The following RIC8B variants were observed in gnomAD, a reference collection of about 807,000 sequenced individuals.
The protein encoded by RIC8B is chaperone Ric-8B.
RIC8B carries 16 observed loss-of-function variants against 57.5 expected under a neutral mutation model. The ratio of observed to expected loss-of-function variants is 0.28; its 90% CI spans 0.19 to 0.42. The LOEUF (loss-of-function observed/expected upper bound fraction) is 0.42, where lower values mean the gene tolerates loss of function less well. RIC8B is among the 10% of genes least tolerant of loss of function. The probability of loss-of-function intolerance (pLI) is 1.00; values close to 1 mark genes in which losing one functional copy is unlikely to be tolerated. For missense variants in RIC8B, 481 were observed against 677.0 expected (o/e 0.71, Z 3.21); for synonymous variants, 216 against 250.8 (o/e 0.86, Z 1.31).
intron 8 of RIC8B, among the ~76,000 whole-genome samples, chr12:106,864,671 C>T (rs929949467): frequency 8.5e-5 from 13 of 152,086 alleles, no homozygotes; most frequent in Admixed American, 6.6e-5. Flanking sequence ...TGCCTTTTTA[C>T]TTTGGGGATA....
At chr12:106,792,215 G>A (rs1039075162) in intron 2 of RIC8B, among the ~76,000 whole-genome samples, 2 of 152,136 alleles carry the variant, frequency 1.3e-5, no homozygotes, top group African/African-American at 2.4e-5. Context: ...TTGTATCATA[G>A]GGCAGGATGA....
Position 106,774,824 on chromosome 12 carries a change from G to A in RIC8B, c.79G>A (p.Asp27Asn). ...AIERVLRDYSDKHRATFKFES... is the reference protein window; with the variant it reads ...AIERVLRDYSNKHRATFKFES... ...CGAGCGGGTCCTGAGGGATTACAGCGACAAGGTAAAGAGTCCTGGCCCCGG... is the reference window on the plus strand; with the variant it reads ...CGAGCGGGTCCTGAGGGATTACAGCAACAAGGTAAAGAGTCCTGGCCCCGG... Residue 27 changes from aspartate (D) to asparagine (N), a missense_variant, in exon 1 of 10, where the codon GAC (aspartate) becomes AAC (asparagine). Coordinates refer to ENST00000392837, the MANE Select transcript of RIC8B (RefSeq NM_001330145.2). 1 of 1,552,942 alleles carries A rather than the reference G, an allele frequency of 6.4e-7. No individual in the cohort carries two copies. The highest frequency in any genetic ancestry group is 8.7e-7 in the Non-Finnish European group (1 of 1,147,528).
In RIC8B at chr12:106,802,054, T is replaced by C. The variant is rs147151962; in HGVS notation, c.133-12642T>C. ...TCCAGTGACGTTCATCACAGAAGAG[T>C]GTAGACATAACCTTGAGAGGCCAGG... is the stretch of plus-strand genomic sequence containing the variant. On this transcript the variant is annotated intron_variant, in intron 2 of 9. Coordinates refer to ENST00000392837, the MANE Select transcript of RIC8B (RefSeq NM_001330145.2). Among the ~76,000 whole-genome samples, 240 of 152,170 alleles carry C rather than the reference T, an allele frequency of 1.6e-3. 1 individual carries two copies. Among genetic ancestry groups the C allele is most frequent in the African/African-American group, 5.1e-3 (213 of 41,504 alleles).
chr12:106,885,792 G>A, intron 9 of RIC8B, 112 bp from the exon 10 acceptor site: 1 of 627,082 alleles, frequency 1.6e-6, no homozygotes, highest in Non-Finnish European at 2.7e-6. Flanking sequence ...AAAATACTTT[G>A]GTTTTTAAAG....
intron 2 of RIC8B, among the ~76,000 whole-genome samples, chr12:106,807,303 A>C (rs2045084999): frequency 6.6e-6 from 1 of 152,360 alleles, no homozygotes; most frequent in East Asian, 1.9e-4. Flanking sequence ...TGGTTTACAA[A>C]ATATGAGTGT....
chr12:106,820,416 A>G (rs1252904520), intron 3 of RIC8B, among the ~76,000 whole-genome samples: 2 of 152,212 alleles, frequency 1.3e-5, no homozygotes, highest in Non-Finnish European at 2.9e-5. Context: ...TAAAAAGCCA[A>G]TTGATTTATT....
intron 5 of RIC8B, 114 bp from the exon 6 acceptor site, chr12:106,843,738 A>G: frequency 1.5e-6 from 1 of 668,646 alleles, no homozygotes; most frequent in South Asian, 2.2e-5. Context: ...AAAAAAAAAA[A>G]AAAAAAGTCC....
At chr12:106,802,152 A>G (rs2044760891) in intron 2 of RIC8B, among the ~76,000 whole-genome samples, 1 of 152,226 alleles carries the variant, frequency 6.6e-6, no homozygotes, top group Non-Finnish European at 1.5e-5. Context: ...TTATCTTAAC[A>G]TTCATGTAAG....
At chr12:106,827,082 T>C (rs1396056551) in intron 4 of RIC8B, among the ~76,000 whole-genome samples, 1 of 152,090 alleles carries the variant, frequency 6.6e-6, no homozygotes, top group Non-Finnish European at 1.5e-5. Flanking sequence ...CTCAAATAAA[T>C]AAATAAAATA....
intron 2 of RIC8B, among the ~76,000 whole-genome samples, chr12:106,786,931 GA>G (rs1025786694): frequency 3.5e-4 from 53 of 152,132 alleles, no homozygotes; most frequent in Admixed American, 7.2e-4. Flanking sequence ...TGGTGCCTTA[GA>G]AATCTGACAT....
intron 8 of RIC8B, among the ~76,000 whole-genome samples, chr12:106,861,019 G>A (rs1949909453): frequency 6.6e-6 from 1 of 151,990 alleles, no homozygotes; most frequent in African/African-American, 2.4e-5. Flanking sequence ...ACAAATTAAA[G>A]ACACTATAAT....
chr12:106,888,403 A>G lies in RIC8B; in HGVS notation c.*2388A>G, dbSNP rs805506. The stretch of plus-strand genomic sequence containing the variant: ...GATGTATGTTATCTCATGTAACCTC[A>G]CCTTATCGCATATGAAAGATCCTCT... On this transcript the variant is annotated 3_prime_UTR_variant, in exon 10 of 10. Coordinates refer to ENST00000392837, the MANE Select transcript of RIC8B (RefSeq NM_001330145.2). 32,502 of 152,280 alleles carry G rather than the reference A, an allele frequency of 0.21. 3,891 individuals carry two copies. The highest frequency in any genetic ancestry group is 0.33 in the East Asian group (1,707 of 5,160). The allele number at this position is 152,280 out of a possible 1,614,324, so 9.4% of individuals were successfully genotyped here.
intron 3 of RIC8B, 113 bp downstream of exon 3, chr12:106,815,417 C>A: frequency 9.1e-7 from 1 of 1,099,544 alleles, no homozygotes; most frequent in Non-Finnish European, 1.3e-6. Flanking sequence ...GTTCCCACTT[C>A]TCCCATTAAG....
chr12:106,865,655 T>A (rs921974851), intron 8 of RIC8B, among the ~76,000 whole-genome samples: 6 of 152,134 alleles, frequency 3.9e-5, no homozygotes, highest in Non-Finnish European at 1.5e-5. Context: ...AGCTAAAATC[T>A]CTCTCTCCAG....
In RIC8B at chr12:106,815,314, A is replaced by G; in HGVS notation, c.741+10A>G. 1.3e-6 allele frequency: 2 copies of G among 1,584,222 alleles called. No individual in the cohort carries two copies. Among genetic ancestry groups the G allele is most frequent in the Non-Finnish European group, 1.7e-6 (2 of 1,166,844 alleles). ...GAAGGTGCATAAAGAGGTAAGGTAG[A>G]GAAGGCTATTTTTGTCTACCTGGAA... On this transcript the variant is annotated intron_variant, in intron 3 of 9. Coordinates refer to ENST00000392837, the MANE Select transcript of RIC8B (RefSeq NM_001330145.2).
chr12:106,786,209 G>A (rs1425273166), intron 2 of RIC8B, among the ~76,000 whole-genome samples: 1 of 147,306 alleles, frequency 6.8e-6, no homozygotes, highest in Non-Finnish European at 1.5e-5. Flanking sequence ...GAGTGCAGTG[G>A]CGCCATCTCA....
In RIC8B at chr12:106,814,167, G is replaced by T. The variant is rs180870404; in HGVS notation, c.133-529G>T. Among the ~76,000 whole-genome samples, 232 of 152,024 alleles carry T rather than the reference G, an allele frequency of 1.5e-3. 2 individuals are homozygous for T. Among genetic ancestry groups the T allele is most frequent in the Non-Finnish European group, 2.9e-3 (199 of 67,960 alleles). ...TTTCTGTAGTTTGTATACCAGGAGG[G>T]GTCACCTTTTTGCAATTGGCTCAAG... On this transcript the variant is annotated intron_variant, in intron 2 of 9. Transcript: ENST00000392837.
chr12:106,776,200 C>T (rs2043475909), intron 1 of RIC8B, among the ~76,000 whole-genome samples: 2 of 152,160 alleles, frequency 1.3e-5, no homozygotes, highest in African/African-American at 4.8e-5. Flanking sequence ...TGTTGCTTTC[C>T]TTGGGAAGAT....
intron 1 of RIC8B, among the ~76,000 whole-genome samples, chr12:106,779,009 G>T (rs1166061344): frequency 6.6e-6 from 1 of 152,128 alleles, no homozygotes; most frequent in Non-Finnish European, 1.5e-5. Flanking sequence ...TGCCTCCTGG[G>T]TTCGAATGAT....
Sources: gnomAD v4.1 joint callset for allele counts (sites outside exome capture counted in the v4.1 genomes callset) on GRCh38, gnomAD v4.1.1 for gene constraint, MANE v1.5 for transcripts, NCBI Gene and HGNC (gene_info 2026-07-23, HGNC 2026-07-21) for gene names.